SCAMP1: variants seen among roughly 807,000 people sequenced by gnomAD.
SCAMP1 encodes the protein secretory carrier-associated membrane protein 1.
Under a neutral mutation model 41.8 loss-of-function variants are expected in SCAMP1, and 15 were observed. The ratio of observed to expected loss-of-function variants is 0.36; its 90% CI spans 0.24 to 0.55. SCAMP1 has a LOEUF of 0.55. SCAMP1 is among the 20% of genes least tolerant of loss of function. SCAMP1 has a pLI of 0.86. For synonymous variants in SCAMP1, 135 were observed against 136.8 expected (o/e 0.99, Z 0.09); for missense variants, 341 against 412.6 (o/e 0.83, Z 1.50).
intron 2 of SCAMP1, among the ~76,000 whole-genome samples, chr5:78,393,486 A>G (rs552143851): frequency 6.6e-6 from 1 of 152,288 alleles, no homozygotes; most frequent in African/African-American, 2.4e-5. Flanking sequence ...TAATTTTATA[A>G]CTTATATATT....
intron 2 of SCAMP1, among the ~76,000 whole-genome samples, chr5:78,405,169 G>C (rs1334185416): frequency 3.3e-5 from 5 of 152,200 alleles, no homozygotes; most frequent in African/African-American, 7.2e-5. Flanking sequence ...TTCACTTGTT[G>C]TTAGGGTGGA....
At chr5:78,411,572 C>CT (rs1306756594) in intron 2 of SCAMP1, among the ~76,000 whole-genome samples, 6 of 152,034 alleles carry the variant, frequency 3.9e-5, no homozygotes, top group African/African-American at 1.4e-4. Context: ...TTTTTAATCA[C>CT]TTATTTGTCC....
chr5:78,451,047 C>T (rs934937291), intron 7 of SCAMP1, among the ~76,000 whole-genome samples: 1 of 152,002 alleles, frequency 6.6e-6, no homozygotes, highest in African/African-American at 2.4e-5. Flanking sequence ...ATACTGCTTA[C>T]TTTAACAGCA....
chr5:78,426,607 G>A (rs1384177989), intron 6 of SCAMP1, among the ~76,000 whole-genome samples: 1 of 152,038 alleles, frequency 6.6e-6, no homozygotes. Context: ...CATATCTTTT[G>A]CCCAATTCAA....
intron 8 of SCAMP1, among the ~76,000 whole-genome samples, chr5:78,472,007 G>T (rs1753892707): frequency 1.3e-5 from 2 of 152,014 alleles, no homozygotes; most frequent in African/African-American, 4.8e-5. Context: ...GTTCTCATAA[G>T]TAGAAAAGAT....
intron 6 of SCAMP1, among the ~76,000 whole-genome samples, chr5:78,444,364 A>G (rs947362675): frequency 3.3e-5 from 5 of 152,204 alleles, no homozygotes; most frequent in Non-Finnish European, 7.4e-5. Context: ...GAGCAAAGGT[A>G]TGTCTTACAT....
rs1406249534 is a variant in SCAMP1, at chr5:78,477,748, AAT to A, written c.*2083_*2084del. ...AAAATGTTTTAAAATCCAGTTATTTAATATGAGTTTGAGAGAGAAAATTGTTT... is the reference window on the plus strand; with the variant it reads ...AAAATGTTTTAAAATCCAGTTATTTAATGAGTTTGAGAGAGAAAATTGTTT... On this transcript the variant is annotated 3_prime_UTR_variant, in exon 9 of 9. Transcript: ENST00000621999. 1 of 152,188 alleles carries A rather than the reference AAT, an allele frequency of 6.6e-6. No homozygotes were observed. The highest frequency in any genetic ancestry group is 1.9e-4 in the East Asian group (1 of 5,200). The allele number at this position is 152,188 out of a possible 1,614,324, so 9.4% of individuals were successfully genotyped here.
chr5:78,449,945 A>G lies in SCAMP1; in HGVS notation c.645A>G (p.Ser215=). ...TTTTTTTTCAAAGGAGTGACAGTTC[A>G]TTTAGATTCTTTGTATTCTTCTTCG... The part of the protein sequence containing the change: ...PLYGAFRSDS[S]FRFFVFFFVY... The change falls in exon 7 of 9, where the codon TCA becomes TCG. Residue 215 remains serine, a synonymous_variant. Transcript: ENST00000621999. 3 of 1,534,632 alleles carry G rather than the reference A, an allele frequency of 2.0e-6. No homozygotes were observed. The highest frequency in any genetic ancestry group is 2.6e-6 in the Non-Finnish European group (3 of 1,141,202).
chr5:78,443,673 T>C (rs1257944572), intron 6 of SCAMP1, among the ~76,000 whole-genome samples: 1 of 146,986 alleles, frequency 6.8e-6, no homozygotes, highest in Non-Finnish European at 1.5e-5. Flanking sequence ...TTTTTTTTTT[T>C]TTTTGAGATA....
At chr5:78,384,118 CTGTACT>C (rs1751279216) in intron 1 of SCAMP1, among the ~76,000 whole-genome samples, 1 of 143,800 alleles carries the variant, frequency 7.0e-6, no homozygotes, top group Admixed American at 6.9e-5. Context: ...CAGCAGTGTT[CTGTACT>C]TTTCCTTGTA....
chr5:78,377,500 A>G (rs752306220), intron 1 of SCAMP1, among the ~76,000 whole-genome samples: 12 of 152,154 alleles, frequency 7.9e-5, no homozygotes, highest in East Asian at 1.9e-4. Context: ...CTCGTGTCCA[A>G]TTCTAAAGAT....
At chr5:78,404,598 A>G (rs1361819266) in intron 2 of SCAMP1, among the ~76,000 whole-genome samples, 1 of 151,930 alleles carries the variant, frequency 6.6e-6, no homozygotes, top group Admixed American at 6.6e-5. Flanking sequence ...TATTGAGTCT[A>G]TGGACTTCAC....
chr5:78,391,379 C>T (rs1253740739), intron 2 of SCAMP1, among the ~76,000 whole-genome samples: 1 of 151,614 alleles, frequency 6.6e-6, no homozygotes. Context: ...CCCCTCACCT[C>T]CCGGACGGGG....
chr5:78,410,566 T>G (rs910646866), intron 2 of SCAMP1, among the ~76,000 whole-genome samples: 7 of 152,228 alleles, frequency 4.6e-5, no homozygotes, highest in African/African-American at 1.7e-4. Flanking sequence ...TTTAGATTGA[T>G]TCCATGTCTT....
At chr5:78,366,034 A>G (rs919337328) in intron 1 of SCAMP1, among the ~76,000 whole-genome samples, 2 of 152,162 alleles carry the variant, frequency 1.3e-5, no homozygotes, top group African/African-American at 4.8e-5. Flanking sequence ...TCCAAGATCA[A>G]GGTCCCAGCA....
intron 6 of SCAMP1, among the ~76,000 whole-genome samples, chr5:78,435,975 A>G (rs897599535): frequency 1.3e-5 from 2 of 152,214 alleles, no homozygotes; most frequent in African/African-American, 4.8e-5. Flanking sequence ...TCTGATGACC[A>G]GTGATGATGA....
chr5:78,388,596 T>TCA lies in SCAMP1; in HGVS notation c.58-241_58-240insCA, dbSNP rs1481321639. Among the ~76,000 whole-genome samples, 138 of 152,336 alleles carry TCA rather than the reference T, an allele frequency of 9.1e-4. 1 individual carries two copies. Among genetic ancestry groups the TCA allele is most frequent in the Admixed American group, 1.8e-3 (28 of 15,302 alleles). ...TGGTCTACTTTTTATCTTGATGTAA[T>TCA]AGCTTGCAGCTGATTTGAATCTAAC... is the stretch of plus-strand genomic sequence containing the variant. On this transcript the variant is annotated intron_variant, in intron 1 of 8. Transcript: ENST00000621999.
At chr5:78,376,320 ACTT>A (rs1219250595) in intron 1 of SCAMP1, among the ~76,000 whole-genome samples, 1 of 152,212 alleles carries the variant, frequency 6.6e-6, no homozygotes, top group Non-Finnish European at 1.5e-5. Flanking sequence ...TGTATTTTAT[ACTT>A]TTAGCACATC....
rs935680780 is a variant in SCAMP1, at chr5:78,409,567, T to G, written c.136-5953T>G. Among the ~76,000 whole-genome samples, 4 of 152,136 alleles carry G rather than the reference T, an allele frequency of 2.6e-5. 1 individual carries two copies. Among genetic ancestry groups the G allele is most frequent in the Non-Finnish European group, 5.9e-5 (4 of 68,024 alleles). On this transcript the variant is annotated intron_variant, in intron 2 of 8. Transcript: ENST00000621999. The stretch of plus-strand genomic sequence containing the variant: ...CCTCCAGAATTCTACTTGGCTTGAG[T>G]TGGCTAATCCACTATGTTGTGGCTG...
Sources: gnomAD v4.1 joint callset for allele counts (sites outside exome capture counted in the v4.1 genomes callset) on GRCh38, gnomAD v4.1.1 for gene constraint, MANE v1.5 for transcripts, NCBI Gene and HGNC (gene_info 2026-07-23, HGNC 2026-07-21) for gene names.